The following TMEM108 variants were observed in gnomAD, a reference collection of about 807,000 sequenced individuals.
TMEM108 encodes transmembrane protein 108, also known as cancer/testis antigen 124.
TMEM108 carries 12 observed loss-of-function variants against 35.1 expected under a neutral mutation model. That is an observed-to-expected ratio of 0.34 (90% CI 0.22 to 0.55). The LOEUF is 0.55. Among genes scored for constraint, TMEM108 ranks in the 20% least tolerant of loss-of-function variants. TMEM108 has a pLI of 0.89. For synonymous variants in TMEM108, 287 were observed against 308.6 expected (o/e 0.93, Z 0.73); for missense variants, 680 against 753.3 (o/e 0.90, Z 1.14).
chr3:133,226,995 A>T (rs1266858684), intron 2 of TMEM108, among the ~76,000 whole-genome samples: 1 of 152,018 alleles, frequency 6.6e-6, no homozygotes, highest in Non-Finnish European at 1.5e-5. Flanking sequence ...AAACCATCAG[A>T]TCTTGTGAGA....
intron 3 of TMEM108, among the ~76,000 whole-genome samples, chr3:133,306,121 G>A (rs918952676): frequency 7.2e-5 from 11 of 151,996 alleles, no homozygotes; most frequent in African/African-American, 1.9e-4. Context: ...GATAAAGTTC[G>A]ATTTATTGAG....
At chr3:133,074,921 A>T (rs1299918060) in intron 2 of TMEM108, among the ~76,000 whole-genome samples, 1 of 152,266 alleles carries the variant, frequency 6.6e-6, no homozygotes, top group Non-Finnish European at 1.5e-5. Context: ...TAGATCCATC[A>T]TAAGCCAGGG....
Position 133,397,201 on chromosome 3 carries a change from T to C in TMEM108, c.*1215T>C, listed in dbSNP as rs1179128113. 1 of 152,184 alleles carries C rather than the reference T, an allele frequency of 6.6e-6. No individual in the cohort carries two copies. Among genetic ancestry groups the C allele is most frequent in the Non-Finnish European group, 1.5e-5 (1 of 68,032 alleles). 9.4% of individuals were successfully genotyped at this position (152,184 alleles called of 1,614,324 possible). Reference sequence around the variant, plus strand: ...CAGAGGTGGCCGCTTCTCTATTTTTTCCTGATTGTGGCTGAGAGAGATGAT... The same window carrying C: ...CAGAGGTGGCCGCTTCTCTATTTTTCCCTGATTGTGGCTGAGAGAGATGAT... On this transcript the variant is annotated 3_prime_UTR_variant, in exon 6 of 6. Coordinates refer to ENST00000321871, the MANE Select transcript of TMEM108 (RefSeq NM_023943.4).
chr3:133,375,474 T>C (rs999508778), intron 3 of TMEM108, among the ~76,000 whole-genome samples: 1 of 152,242 alleles, frequency 6.6e-6, no homozygotes, highest in African/African-American at 2.4e-5. Flanking sequence ...GAGTCCATTA[T>C]GCAAATCCAT....
Position 133,163,673 on chromosome 3 carries a change from T to G in TMEM108, c.-46-65593T>G, listed in dbSNP as rs948783107. ...AAATCAGATGTAAATGAACTACAGCTGCAGCCTTGAAGACTATGGAGAGAG... is the reference window on the plus strand; with the variant it reads ...AAATCAGATGTAAATGAACTACAGCGGCAGCCTTGAAGACTATGGAGAGAG... On this transcript the variant is annotated intron_variant, in intron 2 of 5. Transcript: ENST00000321871. Among the ~76,000 whole-genome samples, 4 of 152,310 alleles carry G rather than the reference T, an allele frequency of 2.6e-5. No homozygotes were observed. The East Asian group carries it at 5.8e-4, about 22-fold the overall frequency.
intron 2 of TMEM108, among the ~76,000 whole-genome samples, chr3:133,159,983 G>C (rs1054038914): frequency 2.6e-5 from 4 of 152,204 alleles, no homozygotes; most frequent in Admixed American, 6.5e-5. Context: ...AATCCATGTT[G>C]AGAAGCATGG....
At chr3:133,319,271 C>T (rs950481442) in intron 3 of TMEM108, among the ~76,000 whole-genome samples, 8 of 152,304 alleles carry the variant, frequency 5.3e-5, no homozygotes, top group Middle Eastern at 3.4e-3. Context: ...TAGCCAATCA[C>T]GAAAGACATA....
At chr3:133,167,638 C>A (rs1334787737) in intron 2 of TMEM108, among the ~76,000 whole-genome samples, 1 of 152,238 alleles carries the variant, frequency 6.6e-6, no homozygotes, top group East Asian at 1.9e-4. Context: ...GGCCCAGGTG[C>A]TAAGCCCCTC....
chr3:133,387,107 AAT>A, intron 4 of TMEM108: 2 of 985,524 alleles, frequency 2.0e-6, no homozygotes, highest in Non-Finnish European at 2.4e-6. Context: ...TGAGCCACCC[AAT>A]AGTCATATAA....
At chr3:133,313,369 T>G (rs1478148761) in intron 3 of TMEM108, among the ~76,000 whole-genome samples, 1 of 152,082 alleles carries the variant, frequency 6.6e-6, no homozygotes, top group African/African-American at 2.4e-5. Context: ...GGCTAATTCT[T>G]TGTATTTTTA....
chr3:133,328,435 A>C (rs1559906076), intron 3 of TMEM108, among the ~76,000 whole-genome samples: 1 of 152,190 alleles, frequency 6.6e-6, no homozygotes, highest in Non-Finnish European at 1.5e-5. Flanking sequence ...AAGATAAATG[A>C]AAGTCCCAGT....
intron 2 of TMEM108, among the ~76,000 whole-genome samples, chr3:133,104,632 G>GT (rs1944127630): frequency 6.6e-6 from 1 of 152,178 alleles, no homozygotes; most frequent in African/African-American, 2.4e-5. Flanking sequence ...ACAGCTGGAA[G>GT]TTTTCATTTC....
At chr3:133,122,313 G>A (rs1944362148) in intron 2 of TMEM108, among the ~76,000 whole-genome samples, 1 of 152,074 alleles carries the variant, frequency 6.6e-6, no homozygotes, top group African/African-American at 2.4e-5. Flanking sequence ...AAGTTTTTGA[G>A]GTACTAATGT....
At chr3:133,315,911 TA>T (rs1346005960) in intron 3 of TMEM108, among the ~76,000 whole-genome samples, 2 of 152,186 alleles carry the variant, frequency 1.3e-5, no homozygotes, top group African/African-American at 4.8e-5. Flanking sequence ...TATTGAGACA[TA>T]AAAAGCATGT....
At chr3:133,249,195 T>C (rs540749079) in intron 3 of TMEM108, among the ~76,000 whole-genome samples, 14 of 152,334 alleles carry the variant, frequency 9.2e-5, no homozygotes, top group Admixed American at 3.9e-4. Context: ...AGCCTCTTCA[T>C]TGAAGCTGAT....
At chr3:133,236,126 G>T (rs1291507886) in intron 3 of TMEM108, among the ~76,000 whole-genome samples, 2 of 152,140 alleles carry the variant, frequency 1.3e-5, no homozygotes, top group Admixed American at 6.6e-5. Context: ...GAATTAAGCA[G>T]TGATTATGTT....
At chr3:133,164,488 G>C (rs889151233) in intron 2 of TMEM108, among the ~76,000 whole-genome samples, 2 of 152,212 alleles carry the variant, frequency 1.3e-5, no homozygotes, top group African/African-American at 4.8e-5. Context: ...GCAGGAGACA[G>C]TGCGATATAG....
intron 3 of TMEM108, among the ~76,000 whole-genome samples, chr3:133,341,253 T>A (rs940581119): frequency 1.4e-4 from 22 of 151,908 alleles, no homozygotes; most frequent in Admixed American, 1.2e-3. Context: ...AGCATTTCTG[T>A]ATGCCAGCAG....
rs1273622047 is a variant in TMEM108 at position 133,396,803 on chromosome 3, G to A, written c.*817G>A. On this transcript the variant is annotated 3_prime_UTR_variant, in exon 6 of 6. Coordinates refer to ENST00000321871, the MANE Select transcript of TMEM108 (RefSeq NM_023943.4). ...GATCCCGGCCCTGGAGCTTTAAAATGCTTGCCCTTCCTTCTTCAAGGATCA... is the reference window on the plus strand; with the variant it reads ...GATCCCGGCCCTGGAGCTTTAAAATACTTGCCCTTCCTTCTTCAAGGATCA... 6.6e-6 allele frequency: 1 copy of A among 152,130 alleles called. No individual in the cohort carries two copies. Among genetic ancestry groups the A allele is most frequent in the African/African-American group, 2.4e-5 (1 of 41,416 alleles). 9.4% of individuals were successfully genotyped at this position (152,130 alleles called of 1,614,324 possible).
Sources: gnomAD v4.1 joint callset for allele counts (sites outside exome capture counted in the v4.1 genomes callset) on GRCh38, gnomAD v4.1.1 for gene constraint, MANE v1.5 for transcripts, NCBI Gene and HGNC (gene_info 2026-07-23, HGNC 2026-07-21) for gene names.